PDGFRL: variants seen among roughly 807,000 people sequenced by gnomAD.
PDGFRL encodes platelet-derived growth factor receptor-like protein.
Under a neutral mutation model 37.2 loss-of-function variants are expected in PDGFRL, and 46 were observed. The observed-to-expected ratio is 1.24, with a 90% CI of 0.98 to 1.58. The LOEUF (loss-of-function observed/expected upper bound fraction) is 1.58. Ranked by LOEUF, PDGFRL falls within the 40% of genes most tolerant of loss-of-function variation. PDGFRL has a pLI of 0.00. For synonymous variants in PDGFRL, 251 were observed against 184.3 expected (o/e 1.36, Z -2.93); for missense variants, 692 against 467.6 (o/e 1.48, Z -4.43).
upstream of PDGFRL, among the ~76,000 whole-genome samples, chr8:17,576,965 A>G (rs938106252): frequency 5.3e-5 from 8 of 151,364 alleles, no homozygotes; most frequent in South Asian, 4.2e-4. Context: ...GGAGAAATTC[A>G]AGGAATGGCT....
At chr8:17,629,735 C>T (rs1452701477) in intron 4 of PDGFRL, among the ~76,000 whole-genome samples, 1 of 152,146 alleles carries the variant, frequency 6.6e-6, no homozygotes, top group African/African-American at 2.4e-5. Context: ...TCAGATATTC[C>T]CACCCTCATC....
chr8:17,593,436 G>A (rs1209465087), intron 2 of PDGFRL, among the ~76,000 whole-genome samples: 13 of 26,158 alleles, frequency 5.0e-4, no homozygotes, highest in African/African-American at 5.8e-4. Context: ...CTAAAAATAC[G>A]GAAAAAAAAA....
intron 2 of PDGFRL, among the ~76,000 whole-genome samples, chr8:17,600,153 G>A (rs2588134): frequency 0.99 from 150,837 of 152,190 alleles, 74,761 homozygotes; most frequent in Middle Eastern, 1. Context: ...ACTCTACCTG[G>A]CTCCTGGCCC....
intron 4 of PDGFRL, among the ~76,000 whole-genome samples, 189 bp downstream of exon 4, chr8:17,628,969 T>A (rs1804798535): frequency 1.3e-5 from 2 of 151,960 alleles, no homozygotes; most frequent in Non-Finnish European, 2.9e-5. Context: ...CAGGCTGGAA[T>A]GCAGTGGCAC....
At chr8:17,621,534 A>G (rs187430558) in intron 3 of PDGFRL, among the ~76,000 whole-genome samples, 20 of 152,032 alleles carry the variant, frequency 1.3e-4, no homozygotes, top group East Asian at 7.8e-4. Flanking sequence ...CTGTCCCTGC[A>G]CTCCCCAATA....
At chr8:17,638,750 T>TATAC (rs1246113076) in intron 5 of PDGFRL, among the ~76,000 whole-genome samples, 6 of 55,060 alleles carry the variant, frequency 1.1e-4, no homozygotes, top group Non-Finnish European at 2.1e-4. Context: ...TATATATATA[T>TATAC]ATATATATAT....
At position 17,620,787 on chromosome 8, in the gene PDGFRL, C is replaced by T. The variant is rs117385345; in HGVS notation, c.354-264C>T. On this transcript the variant is annotated intron_variant, in intron 2 of 5. Transcript: ENST00000251630. ...AAGCCGAATAATCCATCATGTTGCT[C>T]AAATTGTTTTAGAATGAACTTTAAA... 1.1e-4 allele frequency among the ~76,000 whole-genome samples: 16 copies of T among 152,094 alleles called. No individual in the cohort carries two copies. The East Asian group carries it at 1.9e-3, about 18-fold the overall frequency.
intron 4 of PDGFRL, among the ~76,000 whole-genome samples, chr8:17,632,283 C>G (rs1250761176): frequency 6.6e-6 from 1 of 152,140 alleles, no homozygotes; most frequent in East Asian, 1.9e-4. Context: ...ATGTGAATAC[C>G]TTCTCATTTC....
intron 1 of PDGFRL, among the ~76,000 whole-genome samples, chr8:17,580,981 A>G (rs9792165): frequency 0.28 from 42,249 of 151,714 alleles, 6,064 homozygotes; most frequent in Middle Eastern, 0.41. Flanking sequence ...GTGTCTCCTC[A>G]TAAGAACATC....
chr8:17,587,443 C>T (rs1803840795), intron 1 of PDGFRL, among the ~76,000 whole-genome samples: 1 of 152,230 alleles, frequency 6.6e-6, no homozygotes, highest in Non-Finnish European at 1.5e-5. Flanking sequence ...ACACAGAATA[C>T]CAAATTAGAC....
At chr8:17,623,704 A>G (rs1554553878) in intron 3 of PDGFRL, among the ~76,000 whole-genome samples, 1 of 152,062 alleles carries the variant, frequency 6.6e-6, no homozygotes, top group Admixed American at 6.6e-5. Flanking sequence ...GAGAAATCCC[A>G]TCTCTACAAA....
chr8:17,591,873 G>A (rs1324261709), intron 2 of PDGFRL, among the ~76,000 whole-genome samples: 1 of 152,138 alleles, frequency 6.6e-6, no homozygotes, highest in Non-Finnish European at 1.5e-5. Context: ...CCGAGATCAG[G>A]CCACTGTGCT....
chr8:17,617,229 T>G (rs955756228), intron 2 of PDGFRL, among the ~76,000 whole-genome samples: 16 of 152,182 alleles, frequency 1.1e-4, no homozygotes, highest in African/African-American at 3.9e-4. Context: ...ACTCCTAGTT[T>G]AGAAAGAAAA....
At chr8:17,592,457 C>G (rs547379720) in intron 2 of PDGFRL, among the ~76,000 whole-genome samples, 2 of 152,182 alleles carry the variant, frequency 1.3e-5, no homozygotes, top group African/African-American at 4.8e-5. Flanking sequence ...TCCCTGCTCA[C>G]CACTCGGTGG....
rs372087697 is a variant in PDGFRL at position 17,634,172 on chromosome 8, G to C, written c.898G>C (p.Asp300His). 1 of 1,613,342 alleles carries C rather than the reference G, an allele frequency of 6.2e-7. No individual in the cohort carries two copies. The highest frequency in any genetic ancestry group is 8.5e-7 in the Non-Finnish European group (1 of 1,179,336). ...SVLCTVLGEP[D>H]VEVEFTWIFP... The stretch of plus-strand genomic sequence containing the variant: ...GCTCTGCACTGTCCTGGGGGAGCCC[G>C]ATGTGGAGGTGGAGTTCACCTGGAT... Residue 300 changes from aspartate (D) to histidine (H), a missense_variant, in exon 5 of 6, where the codon GAT (aspartate) becomes CAT (histidine). By Grantham distance (81) the Asp-to-His change is moderately conservative. Transcript: ENST00000251630.
At chr8:17,640,907 G>A (rs1370612762) in intron 5 of PDGFRL, among the ~76,000 whole-genome samples, 2 of 152,024 alleles carry the variant, frequency 1.3e-5, no homozygotes, top group African/African-American at 4.8e-5. Flanking sequence ...GGTGGGCTAG[G>A]CGTGTCTGAG....
At chr8:17,638,636 G>A (rs905934981) in intron 5 of PDGFRL, among the ~76,000 whole-genome samples, 3 of 150,486 alleles carry the variant, frequency 2.0e-5, no homozygotes, top group Admixed American at 6.7e-5. Context: ...ATTGCTGACA[G>A]TGGAGTATTG....
chr8:17,616,415 G>A (rs903376973), intron 2 of PDGFRL, among the ~76,000 whole-genome samples: 2 of 152,020 alleles, frequency 1.3e-5, no homozygotes, highest in African/African-American at 2.4e-5. Flanking sequence ...GGATGGTCTC[G>A]ATCTCTTGAC....
intron 5 of PDGFRL, 60 bp downstream of exon 5, chr8:17,634,273 T>A: frequency 7.1e-7 from 1 of 1,402,018 alleles, no homozygotes. Context: ...CAGCCAGCCA[T>A]TTTAATTCAC....
Sources: gnomAD v4.1 joint callset for allele counts (sites outside exome capture counted in the v4.1 genomes callset) on GRCh38, gnomAD v4.1.1 for gene constraint, MANE v1.5 for transcripts, NCBI Gene and HGNC (gene_info 2026-07-23, HGNC 2026-07-21) for gene names.